SGCZ: variants seen among roughly 807,000 people sequenced by gnomAD.
The protein encoded by SGCZ is sarcoglycan zeta, also known as zeta-sarcoglycan.
SGCZ carries 40 observed loss-of-function variants against 41.3 expected under a neutral mutation model. The ratio of observed to expected loss-of-function variants is 0.97; its 90% CI spans 0.75 to 1.26. The LOEUF is 1.26. Among genes scored for constraint, SGCZ ranks in the 50% most tolerant of loss-of-function variants. The pLI, the probability that SGCZ is intolerant of heterozygous loss-of-function variation, is 0.00. For synonymous variants in SGCZ, 206 were observed against 137.5 expected (o/e 1.50, Z -3.49); for missense variants, 552 against 369.8 (o/e 1.49, Z -4.04).
intron 3 of SGCZ, chr8:14,308,904 C>T: frequency 2.2e-6 from 1 of 457,922 alleles, no homozygotes; most frequent in Non-Finnish European, 3.9e-6. Context: ...CAAAGAAATA[C>T]ATTTTCTTAA....
chr8:14,195,699 G>A (rs895249312), intron 4 of SGCZ, among the ~76,000 whole-genome samples: 1 of 152,066 alleles, frequency 6.6e-6, no homozygotes, highest in African/African-American at 2.4e-5. Context: ...GATAAGGAAG[G>A]CAGCTGATTA....
At chr8:14,363,229 A>G (rs570921154) in intron 2 of SGCZ, among the ~76,000 whole-genome samples, 2 of 152,224 alleles carry the variant, frequency 1.3e-5, no homozygotes, top group Admixed American at 6.5e-5. Flanking sequence ...AATACATGAG[A>G]CTTTTCATAC....
At chr8:14,561,698 G>A (rs1045896167) in intron 1 of SGCZ, among the ~76,000 whole-genome samples, 3 of 152,084 alleles carry the variant, frequency 2.0e-5, no homozygotes. Context: ...TATCCGCATT[G>A]CTTATATTAC....
chr8:14,651,933 G>A (rs1050569620), intron 1 of SGCZ, among the ~76,000 whole-genome samples: 2 of 151,792 alleles, frequency 1.3e-5, no homozygotes, highest in African/African-American at 4.8e-5. Context: ...TGCTAAGAAT[G>A]GGAAAGTTTA....
intron 1 of SGCZ, among the ~76,000 whole-genome samples, chr8:14,883,864 C>G (rs549688817): frequency 7.1e-6 from 1 of 141,398 alleles, no homozygotes; most frequent in African/African-American, 2.6e-5. Flanking sequence ...CTTCAAATAT[C>G]ATAAGCCTTG....
At chr8:14,446,074 G>A (rs1173484662) in intron 2 of SGCZ, among the ~76,000 whole-genome samples, 1 of 152,148 alleles carries the variant, frequency 6.6e-6, no homozygotes, top group Non-Finnish European at 1.5e-5. Flanking sequence ...GAAAAATCCT[G>A]AATCAGTTGT....
chr8:14,593,729 C>T (rs1030713680), intron 1 of SGCZ, among the ~76,000 whole-genome samples: 2 of 152,102 alleles, frequency 1.3e-5, no homozygotes, highest in Admixed American at 1.3e-4. Flanking sequence ...GAACATATTA[C>T]ATATTGAAAC....
intron 1 of SGCZ, among the ~76,000 whole-genome samples, chr8:14,625,472 C>T (rs1398782274): frequency 6.6e-6 from 1 of 152,164 alleles, no homozygotes; most frequent in African/African-American, 2.4e-5. Flanking sequence ...CCTTACTCTC[C>T]TATGAGCATT....
intron 1 of SGCZ, among the ~76,000 whole-genome samples, chr8:14,735,618 T>G (rs1438995463): frequency 1.3e-5 from 2 of 152,290 alleles, no homozygotes; most frequent in Admixed American, 6.5e-5. Flanking sequence ...AATGGCCTCC[T>G]ACCTCCTCAG....
chr8:14,533,447 TAAA>T (rs1311859115), intron 2 of SGCZ, among the ~76,000 whole-genome samples: 1 of 152,062 alleles, frequency 6.6e-6, no homozygotes. Flanking sequence ...TTGAGATTTT[TAAA>T]AACATTCTAT....
chr8:14,102,541 CAAAA>C lies in SGCZ; in HGVS notation c.621-46_621-43del, dbSNP rs752475490. The C allele has an allele frequency of 5.6e-4, 736 of 1,319,726 alleles. 1 individual carries two copies. The highest frequency in any genetic ancestry group is 6.0e-4 in the Non-Finnish European group (615 of 1,022,278). The allele number at this position is 1,319,726 out of a possible 1,614,324, so 81.8% of individuals were successfully genotyped here. ...AAATCATTAATAGGAAAAAAAAACA[CAAAA>C]AAATCATTAATAGAAAAAAGAAAAT... On this transcript the variant is annotated intron_variant, in intron 6 of 7. Coordinates refer to ENST00000382080, the MANE Select transcript of SGCZ (RefSeq NM_139167.4).
At chr8:14,774,081 G>C (rs556749168) in intron 1 of SGCZ, among the ~76,000 whole-genome samples, 12 of 152,242 alleles carry the variant, frequency 7.9e-5, no homozygotes, top group African/African-American at 2.9e-4. Flanking sequence ...TTTTCGTTGA[G>C]ATTAACATTT....
intron 1 of SGCZ, among the ~76,000 whole-genome samples, chr8:14,559,623 G>C (rs2117203271): frequency 6.6e-6 from 1 of 151,952 alleles, no homozygotes; most frequent in South Asian, 2.1e-4. Context: ...CCATCTTTTT[G>C]TTTTAATTTC....
chr8:15,092,379 A>C (rs1387266700), intron 1 of SGCZ, among the ~76,000 whole-genome samples: 2 of 152,232 alleles, frequency 1.3e-5, no homozygotes, highest in Non-Finnish European at 2.9e-5. Context: ...TAATAGTTAC[A>C]TATAAATGTG....
chr8:15,174,775 T>C (rs562222811), intron 1 of SGCZ, among the ~76,000 whole-genome samples: 1 of 152,354 alleles, frequency 6.6e-6, no homozygotes, highest in African/African-American at 2.4e-5. Flanking sequence ...ACAATCTCCA[T>C]GTGCATTTCC....
At chr8:15,217,759 T>C (rs553157389) in intron 1 of SGCZ, among the ~76,000 whole-genome samples, 1 of 152,322 alleles carries the variant, frequency 6.6e-6, no homozygotes, top group African/African-American at 2.4e-5. Context: ...TGTATAGTCT[T>C]CAAGCAAAGC....
intron 1 of SGCZ, among the ~76,000 whole-genome samples, chr8:14,608,633 G>T (rs980806210): frequency 1.2e-5 from 1 of 80,576 alleles, no homozygotes; most frequent in Non-Finnish European, 2.4e-5. Flanking sequence ...CTTTCTCAAT[G>T]GTCATCGACA....
At chr8:15,009,369 C>G (rs1046672407) in intron 1 of SGCZ, among the ~76,000 whole-genome samples, 1 of 24,196 alleles carries the variant, frequency 4.1e-5, no homozygotes, top group Non-Finnish European at 1.0e-4. Flanking sequence ...CCCCCATGAC[C>G]CAATCATCTC....
At chr8:14,766,642 A>G (rs1800044045) in intron 1 of SGCZ, among the ~76,000 whole-genome samples, 1 of 151,420 alleles carries the variant, frequency 6.6e-6, no homozygotes, top group African/African-American at 2.4e-5. Flanking sequence ...GCTCACTGCA[A>G]TTTCCACCTC....
Sources: gnomAD v4.1 joint callset for allele counts (sites outside exome capture counted in the v4.1 genomes callset) on GRCh38, gnomAD v4.1.1 for gene constraint, MANE v1.5 for transcripts, NCBI Gene and HGNC (gene_info 2026-07-23, HGNC 2026-07-21) for gene names.